Variants in SMYD4 observed in about 807,000 individuals in gnomAD.
The protein encoded by SMYD4 is SET and MYND domain containing 4, also known as protein-lysine N-methyltransferase SMYD4.
A neutral mutation model predicts 72.8 loss-of-function variants in SMYD4; 68 were observed. That is an observed-to-expected ratio of 0.93 (90% CI 0.77 to 1.14). The LOEUF (loss-of-function observed/expected upper bound fraction) is 1.14, where lower values mean the gene tolerates loss of function less well. SMYD4 is among the 50% of genes most tolerant of loss of function. The pLI, the probability that SMYD4 is intolerant of heterozygous loss-of-function variation, is 0.00. For missense variants in SMYD4, 984 were observed against 1,003.7 expected, an observed-to-expected ratio of 0.98 and a Z score of 0.27; for synonymous variants, 407 against 388.6, an observed-to-expected ratio of 1.05 and a Z score of -0.56.
chr17:1,784,181 C>A, intron 8 of SMYD4, 145 bp downstream of exon 8: 3 of 1,297,620 alleles, frequency 2.3e-6, no homozygotes, highest in Non-Finnish European at 3.2e-6. Flanking sequence ...TTTGGACTCA[C>A]TGGCCTATAT....
intron 1 of SMYD4, among the ~76,000 whole-genome samples, chr17:1,828,586 G>C (rs373712968): frequency 6.8e-6 from 1 of 146,968 alleles, no homozygotes; most frequent in East Asian, 2.0e-4. Context: ...TACCATCTGT[G>C]CTCTTAGATC....
chr17:1,796,716 T>C (rs1405968999), intron 5 of SMYD4, among the ~76,000 whole-genome samples: 1 of 152,126 alleles, frequency 6.6e-6, no homozygotes, highest in Non-Finnish European at 1.5e-5. Context: ...ATAATAGGTA[T>C]GAGCCACCGC....
chr17:1,825,399 A>G (rs1486436823), intron 2 of SMYD4, among the ~76,000 whole-genome samples: 1 of 152,208 alleles, frequency 6.6e-6, no homozygotes, highest in African/African-American at 2.4e-5. Flanking sequence ...AGGTAAAAAA[A>G]TGTTAGCAGA....
intron 2 of SMYD4, among the ~76,000 whole-genome samples, chr17:1,825,586 G>A (rs9916115): frequency 0.19 from 27,819 of 148,234 alleles, 2,675 homozygotes; most frequent in Middle Eastern, 0.2. Flanking sequence ...ATCATGGCTC[G>A]CTGCAGCCTT....
chr17:1,814,349 A>T (rs927307406), intron 2 of SMYD4, among the ~76,000 whole-genome samples: 9 of 152,222 alleles, frequency 5.9e-5, no homozygotes, highest in African/African-American at 1.9e-4. Flanking sequence ...GAATGTTTAC[A>T]AGTAAGTTAA....
intron 3 of SMYD4, among the ~76,000 whole-genome samples, chr17:1,809,969 C>T (rs771535270): frequency 1.4e-4 from 21 of 151,958 alleles, no homozygotes; most frequent in African/African-American, 2.2e-4. Flanking sequence ...CCCATTTATA[C>T]GTTATTTTAC....
At chr17:1,807,208 C>A (rs530563925) in intron 3 of SMYD4, among the ~76,000 whole-genome samples, 3 of 151,348 alleles carry the variant, frequency 2.0e-5, no homozygotes, top group African/African-American at 4.8e-5. Flanking sequence ...AGTTTCTCAT[C>A]ATAGACTTGT....
At chr17:1,795,747 GTTTTT>G (rs368038317) in intron 5 of SMYD4, among the ~76,000 whole-genome samples, 3 of 128,452 alleles carry the variant, frequency 2.3e-5, no homozygotes, top group African/African-American at 9.5e-5. Context: ...TGGCCCGTGA[GTTTTT>G]TTTTTTTTTT....
intron 1 of SMYD4, chr17:1,829,274 T>A (rs1911389294): frequency 6.6e-6 from 1 of 152,448 alleles, no homozygotes; most frequent in African/African-American, 2.4e-5. Context: ...CTCATTGCTA[T>A]CCCCGGCTTG....
rs1427561639 is a variant in SMYD4 at position 1,784,399 on chromosome 17, G to T, written c.1947C>A (p.His649Gln). ...SCAESAVSRD[H>Q]LVSRLQDLQQ... is the part of the protein sequence containing the mutation. Reference sequence around the variant, plus strand: ...GTAGGTCCTGTAACCGAGAGACCAGGTGGTCCCTGCTGACGGCGGATTCTG... The same window carrying T: ...GTAGGTCCTGTAACCGAGAGACCAGTTGGTCCCTGCTGACGGCGGATTCTG... Residue 649 changes from histidine to glutamine, a missense_variant, in exon 8 of 11, where the codon CAC becomes CAA. By Grantham distance (24) the His-to-Gln change is conservative (BLOSUM62 0). Transcript: ENST00000305513. 1 of 1,614,218 alleles carries T rather than the reference G, an allele frequency of 6.2e-7. No individual in the cohort carries two copies. Among genetic ancestry groups the T allele is most frequent in the Non-Finnish European group, 8.5e-7 (1 of 1,180,046 alleles).
chr17:1,801,289 A>G (rs1300188517), intron 4 of SMYD4, among the ~76,000 whole-genome samples: 1 of 151,204 alleles, frequency 6.6e-6, no homozygotes, highest in Non-Finnish European at 1.5e-5. Context: ...CCCAGGCTGG[A>G]TTGCAGTGGT....
intron 2 of SMYD4, among the ~76,000 whole-genome samples, chr17:1,818,398 G>A (rs1910738973): frequency 6.6e-6 from 1 of 152,058 alleles, no homozygotes; most frequent in Admixed American, 6.6e-5. Flanking sequence ...GTAAGTACAG[G>A]CATCATGGAT....
chr17:1,781,579 C>T (rs1475391132), intron 10 of SMYD4, 140 bp from the exon 11 acceptor site: 1 of 935,960 alleles, frequency 1.1e-6, no homozygotes, highest in African/African-American at 1.7e-5. Flanking sequence ...AAGTAAGACA[C>T]TGTCACAAAC....
In SMYD4 at chr17:1,795,664, A is replaced by C. The variant is rs184034578; in HGVS notation, c.1537+4193T>G. On this transcript the variant is annotated intron_variant, in intron 5 of 10. Coordinates refer to ENST00000305513, the MANE Select transcript of SMYD4 (RefSeq NM_052928.3). ...ACCATGTTGGCCAGGCTGGTCTCGA[A>C]CTCCTGACCTCAGGTGATCCACCTG... Among the ~76,000 whole-genome samples, 30 of 150,298 alleles carry C rather than the reference A, an allele frequency of 2.0e-4. No individual in the cohort carries two copies. In the East Asian group the frequency reaches 5.5e-3, roughly 27 times the overall value.
chr17:1,811,981 A>C lies in SMYD4; in HGVS notation c.269T>G (p.Leu90Arg). 1 of 1,613,856 alleles carries C rather than the reference A, an allele frequency of 6.2e-7. No homozygotes were observed. The highest frequency in any genetic ancestry group is 8.5e-7 in the Non-Finnish European group (1 of 1,179,956). ...QEKDYTGAAV[L>R]YSKGVSHSRP... is the part of the protein sequence containing the mutation. ...CTGGGAGTGTTTTACCTTAGAGTAC[A>C]GCACTGCAGCTCCTGTGTAATCTTT... The change falls in exon 3 of 11, where the codon CTG (leucine) becomes CGG (arginine). Residue 90 changes from leucine (L) to arginine (R), a missense_variant. Physicochemically the swap from Leu to Arg is moderately radical, Grantham distance 102 (BLOSUM62 -2). Transcript: ENST00000305513.
chr17:1,801,034 G>A lies in SMYD4; in HGVS notation c.370-10C>T, dbSNP rs755060461. The A allele has an allele frequency of 6.3e-7, 1 of 1,580,564 alleles. No individual in the cohort carries two copies. The highest frequency in any genetic ancestry group is 2.3e-5 in the East Asian group (1 of 44,276). On this transcript the variant is annotated splice_polypyrimidine_tract_variant and intron_variant, in intron 4 of 10. Transcript: ENST00000305513. ...TGTCTTTAAGACACGTCTGAAAACA[G>A]AAAGAAAATCCCACAATGACCCTTG...
chr17:1,795,776 C>G (rs570536267), intron 5 of SMYD4, among the ~76,000 whole-genome samples: 2 of 101,026 alleles, frequency 2.0e-5, no homozygotes, highest in African/African-American at 9.8e-5. Context: ...AAGTATTTTC[C>G]TCTAGAATTA....
chr17:1,810,570 G>A (rs994692336), intron 3 of SMYD4, among the ~76,000 whole-genome samples: 2 of 152,188 alleles, frequency 1.3e-5, no homozygotes, highest in African/African-American at 4.8e-5. Flanking sequence ...TGGGAGGGGG[G>A]CAGGGAACTG....
At chr17:1,792,375 A>G (rs577852540) in intron 5 of SMYD4, among the ~76,000 whole-genome samples, 19 of 151,850 alleles carry the variant, frequency 1.3e-4, no homozygotes, top group Middle Eastern at 6.8e-3. Flanking sequence ...CAGGTCGGGC[A>G]CGGTGGCTCA....
Sources: gnomAD v4.1 joint callset for allele counts (sites outside exome capture counted in the v4.1 genomes callset) on GRCh38, gnomAD v4.1.1 for gene constraint, MANE v1.5 for transcripts, NCBI Gene and HGNC (gene_info 2026-07-23, HGNC 2026-07-21) for gene names.